The following MED13L variants were observed in gnomAD, a reference collection of about 807,000 sequenced individuals.
MED13L encodes mediator of RNA polymerase II transcription subunit 13-like.
In MED13L, 7 loss-of-function variants were observed where a neutral mutation model predicts 220.9. The observed-to-expected ratio is 0.03, with a 90% CI of 0.02 to 0.06. The LOEUF is 0.06. Among genes scored for constraint, MED13L ranks in the 10% least tolerant of loss-of-function variants. The probability of loss-of-function intolerance (pLI) is 1.00; values close to 1 mark genes in which losing one functional copy is unlikely to be tolerated. For missense variants in MED13L, 1,965 were observed against 2,760.5 expected (o/e 0.71, Z 6.46); for synonymous variants, 1,011 against 1,015.2 (o/e 1.00, Z 0.08).
chr12:116,205,942 G>GT (rs11295233), intron 2 of MED13L, among the ~76,000 whole-genome samples: 20,294 of 125,148 alleles, frequency 0.16, 1,569 homozygotes, highest in Middle Eastern at 0.26. Context: ...CTAAAAACTT[G>GT]TTTTTTTTTT....
At chr12:116,269,466 C>CAAAAAAAA (rs34100053) in intron 1 of MED13L, among the ~76,000 whole-genome samples, 29 of 69,136 alleles carry the variant, frequency 4.2e-4, no homozygotes, top group Non-Finnish European at 5.6e-4. Context: ...TTAAACTATG[C>CAAAAAAAA]AAAAAAAAAA....
chr12:116,132,372 T>G (rs1876149209), intron 2 of MED13L, among the ~76,000 whole-genome samples: 1 of 151,966 alleles, frequency 6.6e-6, no homozygotes, highest in African/African-American at 2.4e-5. Flanking sequence ...TGTACTCAAA[T>G]TACTGGGCAG....
At chr12:116,131,893 A>G (rs887480429) in intron 2 of MED13L, among the ~76,000 whole-genome samples, 7 of 152,108 alleles carry the variant, frequency 4.6e-5, no homozygotes, top group Non-Finnish European at 8.8e-5. Flanking sequence ...AAGGTGGGAG[A>G]ATCACTTGAG....
intron 2 of MED13L, among the ~76,000 whole-genome samples, chr12:116,161,373 A>AAT (rs200272891): frequency 6.0e-4 from 91 of 151,816 alleles, no homozygotes; most frequent in African/African-American, 1.7e-3. Context: ...AGAGTTTGGA[A>AAT]ATATATATAT....
At chr12:116,249,260 G>A (rs1871315863) in intron 1 of MED13L, among the ~76,000 whole-genome samples, 1 of 152,158 alleles carries the variant, frequency 6.6e-6, no homozygotes, top group African/African-American at 2.4e-5. Context: ...CTCATAAGGA[G>A]GAAACCAGTG....
intron 29 of MED13L, 77 bp from the exon 30 acceptor site, chr12:115,963,596 A>G: frequency 9.3e-7 from 1 of 1,073,616 alleles, no homozygotes; most frequent in Non-Finnish European, 1.4e-6. Flanking sequence ...CATGTCTGCC[A>G]GAAGCAGATG....
At chr12:116,031,689 A>AGAAAAGAAAAGAAAAGAAAAGAAAAG (rs1566020398) in intron 4 of MED13L, among the ~76,000 whole-genome samples, 1 of 34,558 alleles carries the variant, frequency 2.9e-5, no homozygotes, top group African/African-American at 8.2e-5. Context: ...AGAAAAGAAA[A>AGAAAAGAAAAGAAAAGAAAAGAAAAG]GAAAAGAAAA....
At chr12:116,092,794 T>G (rs2137798416) in intron 4 of MED13L, among the ~76,000 whole-genome samples, 1 of 152,254 alleles carries the variant, frequency 6.6e-6, no homozygotes, top group South Asian at 2.1e-4. Flanking sequence ...TGTGCACATG[T>G]GCTATCAGCA....
At chr12:116,138,136 G>GT (rs1876739772) in intron 2 of MED13L, among the ~76,000 whole-genome samples, 1 of 152,116 alleles carries the variant, frequency 6.6e-6, no homozygotes, top group Admixed American at 6.5e-5. Context: ...GATTGCAGGC[G>GT]TGAGCCACCA....
At chr12:116,090,851 G>A (rs571684738) in intron 4 of MED13L, among the ~76,000 whole-genome samples, 4 of 152,242 alleles carry the variant, frequency 2.6e-5, no homozygotes, top group East Asian at 1.9e-4. Context: ...TAGGTCAGGC[G>A]CAGTGGCTGA....
intron 4 of MED13L, among the ~76,000 whole-genome samples, chr12:116,076,467 T>C (rs748186598): frequency 2.0e-5 from 3 of 152,032 alleles, no homozygotes; most frequent in Non-Finnish European, 4.4e-5. Context: ...AGCCCAGGAG[T>C]TGGAGGCTGC....
chr12:116,040,575 A>G (rs1592977401), intron 4 of MED13L, among the ~76,000 whole-genome samples: 2 of 152,306 alleles, frequency 1.3e-5, no homozygotes, highest in Non-Finnish European at 1.5e-5. Flanking sequence ...TACTCAAAAA[A>G]TAAAAGATTC....
At chr12:116,211,066 C>T (rs1258380383) in intron 2 of MED13L, among the ~76,000 whole-genome samples, 1 of 152,122 alleles carries the variant, frequency 6.6e-6, no homozygotes, top group Non-Finnish European at 1.5e-5. Flanking sequence ...AGGGAAACTT[C>T]GTGACACTCT....
At chr12:116,181,589 C>G (rs1272838194) in intron 2 of MED13L, among the ~76,000 whole-genome samples, 1 of 152,150 alleles carries the variant, frequency 6.6e-6, no homozygotes, top group Non-Finnish European at 1.5e-5. Flanking sequence ...CTCACCGCAA[C>G]CTCCACCTCC....
chr12:116,049,113 A>G (rs922802840), intron 4 of MED13L, among the ~76,000 whole-genome samples: 4 of 152,212 alleles, frequency 2.6e-5, no homozygotes, highest in African/African-American at 9.6e-5. Context: ...CAGTATTAAC[A>G]TGATCTCATG....
intron 2 of MED13L, among the ~76,000 whole-genome samples, chr12:116,146,636 AG>A (rs1055840123): frequency 6.6e-6 from 1 of 151,932 alleles, no homozygotes; most frequent in Non-Finnish European, 1.5e-5. Flanking sequence ...AGACGAAGGC[AG>A]GGGGGACTGC....
intron 2 of MED13L, among the ~76,000 whole-genome samples, chr12:116,159,887 C>A (rs951079774): frequency 1.3e-4 from 20 of 150,446 alleles, no homozygotes; most frequent in African/African-American, 4.5e-4. Flanking sequence ...TATTTCAAAG[C>A]AGCAGCACAA....
intron 2 of MED13L, among the ~76,000 whole-genome samples, chr12:116,201,322 A>C (rs1881992008): frequency 6.6e-6 from 1 of 152,200 alleles, no homozygotes; most frequent in African/African-American, 2.4e-5. Flanking sequence ...TTGGTCATTA[A>C]GTCCATCCAA....
chr12:115,982,265 G>T, intron 22 of MED13L, 119 bp downstream of exon 22: 1 of 1,025,382 alleles, frequency 9.8e-7, no homozygotes, highest in Non-Finnish European at 1.5e-6. Flanking sequence ...CTAGTATTTT[G>T]GTTAGGGGAT....
Sources: gnomAD v4.1 joint callset for allele counts (sites outside exome capture counted in the v4.1 genomes callset) on GRCh38, gnomAD v4.1.1 for gene constraint, MANE v1.5 for transcripts, NCBI Gene and HGNC (gene_info 2026-07-23, HGNC 2026-07-21) for gene names.